The following ZFAT variants were observed in gnomAD, a reference collection of about 807,000 sequenced individuals.
ZFAT encodes zinc finger protein ZFAT.
ZFAT carries 64 observed loss-of-function variants against 117.7 expected under a neutral mutation model. The ratio of observed to expected loss-of-function variants is 0.54; its 90% confidence interval spans 0.44 to 0.67. ZFAT has a LOEUF of 0.67. Among genes scored for constraint, ZFAT ranks in the 30% least tolerant of loss-of-function variants. ZFAT has a pLI of 0.00. For missense variants in ZFAT, 1,433 were observed against 1,584.5 expected (o/e 0.90, Z 1.62); for synonymous variants, 679 against 615.0 (o/e 1.10, Z -1.54).
chr8:134,612,331 C>G (rs1440991480), intron 3 of ZFAT, among the ~76,000 whole-genome samples: 3 of 152,198 alleles, frequency 2.0e-5, no homozygotes, highest in Non-Finnish European at 4.4e-5. Flanking sequence ...ATGGCAGGAA[C>G]AGGAGAAACC....
At chr8:134,756,692 A>T in the ZFAT span, among the ~76,000 whole-genome samples, 1 of 152,164 alleles carries the variant, frequency 6.6e-6, no homozygotes, top group Non-Finnish European at 1.5e-5. Flanking sequence ...CTTCCTCCTA[A>T]GGGGCAGCTC....
chr8:134,515,092 A>G (rs1820157377), intron 13 of ZFAT, among the ~76,000 whole-genome samples: 1 of 152,128 alleles, frequency 6.6e-6, no homozygotes, highest in Non-Finnish European at 1.5e-5. Flanking sequence ...GTTTGCTGAG[A>G]ATGATGGTTT....
intron 15 of ZFAT, among the ~76,000 whole-genome samples, chr8:134,500,248 C>G (rs564913029): frequency 3.0e-4 from 45 of 152,260 alleles, no homozygotes; most frequent in African/African-American, 1.1e-3. Context: ...GAAACAGGCA[C>G]CAAGCAAACA....
chr8:134,680,384 G>T (rs1029880685), intron 1 of ZFAT, among the ~76,000 whole-genome samples: 1 of 151,894 alleles, frequency 6.6e-6, no homozygotes, highest in African/African-American at 2.4e-5. Flanking sequence ...TCAAAAATTT[G>T]GATTGTAATA....
At chr8:134,827,363 T>C in the ZFAT span, among the ~76,000 whole-genome samples, 1 of 152,232 alleles carries the variant, frequency 6.6e-6, no homozygotes, top group African/African-American at 2.4e-5. Flanking sequence ...GCCTTTCTTA[T>C]TTTTAAGAAC....
the ZFAT span, among the ~76,000 whole-genome samples, chr8:134,823,687 T>C: frequency 6.6e-6 from 1 of 152,226 alleles, no homozygotes; most frequent in South Asian, 2.1e-4. Context: ...CCTTTAAGTC[T>C]ATCAGCTTTA....
chr8:134,588,386 A>G lies in ZFAT; in HGVS notation c.2573T>C (p.Met858Thr), dbSNP rs1324328609. 1.9e-6 allele frequency: 3 copies of G among 1,584,960 alleles called. No individual in the cohort carries two copies. Among genetic ancestry groups the G allele is most frequent in the Admixed American group, 1.8e-5 (1 of 55,702 alleles). ...HIKTNHPEVS[M>T]STISEVLGRR... ...CCCGAGAACCTCAGAAATGGTGCTCATGGAGACCTCTAGAAGAAAAGCAGG... is the reference window on the plus strand; with the variant it reads ...CCCGAGAACCTCAGAAATGGTGCTCGTGGAGACCTCTAGAAGAAAAGCAGG... The change falls in exon 9 of 16, where the codon ATG becomes ACG. Residue 858 changes from methionine to threonine, a missense_variant. Transcript: ENST00000377838.
chr8:134,619,820 A>T (rs1481081490), intron 3 of ZFAT, among the ~76,000 whole-genome samples: 1 of 152,180 alleles, frequency 6.6e-6, no homozygotes, highest in African/African-American at 2.4e-5. Context: ...TATAAAGATA[A>T]GGAGTCCGAA....
chr8:134,670,103 A>G lies in ZFAT; in HGVS notation c.20-12366T>C, dbSNP rs554586209. 9.9e-5 allele frequency among the ~76,000 whole-genome samples: 15 copies of G among 152,162 alleles called. No homozygotes were observed. In the East Asian group the frequency reaches 2.7e-3, roughly 27 times the overall value. On this transcript the variant is annotated intron_variant, in intron 1 of 15. Transcript: ENST00000377838. The stretch of plus-strand genomic sequence containing the variant: ...ACAGGAGTACCCAGATTCATAAAGC[A>G]AGTCCTTAGAGATCTACAAAGAGAC...
In ZFAT at chr8:134,540,484, C is replaced by T. The variant is rs138040729; in HGVS notation, c.2977-7512G>A. On this transcript the variant is annotated intron_variant, in intron 11 of 15. Transcript: ENST00000377838. ...CATGACAAGAACATTCTCTTCCCTT[C>T]TAGAGAAGCTCTTCTCTTCATGTAG... Among the ~76,000 whole-genome samples the T allele has an allele frequency of 2.3e-3, 356 of 152,342 alleles. 1 individual carries two copies. Among genetic ancestry groups the T allele is most frequent in the African/African-American group, 7.5e-3 (313 of 41,590 alleles).
At position 134,478,841 on chromosome 8, in the gene ZFAT, A is replaced by C; in HGVS notation, c.3493-120T>G. On this transcript the variant is annotated intron_variant, in intron 15 of 15. Coordinates refer to ENST00000377838, the MANE Select transcript of ZFAT (RefSeq NM_020863.4). The surrounding 1 kb of genome is among the most constrained non-coding windows in gnomAD (Gnocchi z 5.2). ...CGCTGCGGGAGCACGTCCATTCTCC[A>C]CGGATCCTCTCTACCAGGCTGTGCT... The C allele has an allele frequency of 7.2e-7, 1 of 1,394,710 alleles. No individual in the cohort carries two copies. The highest frequency in any genetic ancestry group is 1.4e-5 in the South Asian group (1 of 71,564). The allele number at this position is 1,394,710 out of a possible 1,614,324, so 86.4% of individuals were successfully genotyped here.
At chr8:134,633,199 T>C (rs1348330726) in intron 3 of ZFAT, among the ~76,000 whole-genome samples, 2 of 126,914 alleles carry the variant, frequency 1.6e-5, no homozygotes, top group African/African-American at 5.2e-5. Context: ...GCTGAAACTA[T>C]CTGTGTCTCT....
intron 11 of ZFAT, among the ~76,000 whole-genome samples, chr8:134,549,490 C>T (rs115816852): frequency 0.011 from 1,723 of 151,886 alleles, 35 homozygotes; most frequent in African/African-American, 0.039. Context: ...CGAGTTCATC[C>T]CCAGAGGCTG....
the ZFAT span, chr8:134,804,890 C>G: frequency 1.5e-5 from 8 of 534,328 alleles, no homozygotes; most frequent in Admixed American, 1.9e-5. Flanking sequence ...CAGCAAACAT[C>G]TGACTGAAAG....
the ZFAT span, among the ~76,000 whole-genome samples, chr8:134,788,121 A>G: frequency 6.6e-6 from 1 of 152,098 alleles, no homozygotes; most frequent in Admixed American, 6.5e-5. Flanking sequence ...ACTTCAAAGA[A>G]CCAACATTTT....
At chr8:134,614,706 C>A (rs909286835) in intron 3 of ZFAT, among the ~76,000 whole-genome samples, 3 of 152,182 alleles carry the variant, frequency 2.0e-5, no homozygotes, top group African/African-American at 7.2e-5. Context: ...TGGGTAGAGT[C>A]TCCTGCAATA....
At chr8:134,814,900 C>G in the ZFAT span, among the ~76,000 whole-genome samples, 1 of 152,186 alleles carries the variant, frequency 6.6e-6, no homozygotes, top group Non-Finnish European at 1.5e-5. Context: ...TCTCTCATTC[C>G]ACATTTTGCC....
At chr8:134,702,341 A>G (rs1834032330) in intron 1 of ZFAT, among the ~76,000 whole-genome samples, 1 of 152,208 alleles carries the variant, frequency 6.6e-6, no homozygotes, top group African/African-American at 2.4e-5. Flanking sequence ...TTGGAATAGG[A>G]TTGCTACCTT....
Position 134,602,063 on chromosome 8 carries a change from AG to A in ZFAT, c.1655del (p.Pro552LeufsTer48). ...GCACAGCTGGGGCAGGCATTTCCCC[AG>A]GGGCCTCCGGCTCCTTCCGGCCCTC... ...LEEGRKEPEA[P>X]GEMPAPAVHL... On this transcript the variant is annotated frameshift_variant, in exon 6 of 16. Transcript: ENST00000377838. LOFTEE classifies it high-confidence loss of function. 1 of 1,611,512 alleles carries A rather than the reference AG, an allele frequency of 6.2e-7. No individual in the cohort carries two copies.
Sources: allele counts gnomAD v4.1 joint callset (sites outside exome capture counted in the v4.1 genomes callset), GRCh38; gene constraint gnomAD v4.1.1; non-coding constraint Gnocchi (gnomAD v3.1); transcripts MANE v1.5; gene names NCBI Gene and HGNC (gene_info 2026-07-23, HGNC 2026-07-21).